CDH20: variants seen among roughly 807,000 people sequenced by gnomAD.
The protein encoded by CDH20 is cadherin 20.
Under a neutral mutation model 74.2 loss-of-function variants are expected in CDH20, and 29 were observed. The observed-to-expected ratio is 0.39, with a 90% CI of 0.29 to 0.53. The LOEUF (loss-of-function observed/expected upper bound fraction) is 0.53, where lower values mean the gene tolerates loss of function less well. Among genes scored for constraint, CDH20 ranks in the 20% least tolerant of loss-of-function variants. The probability of loss-of-function intolerance (pLI) is 0.69; values close to 1 mark genes in which losing one functional copy is unlikely to be tolerated. For synonymous variants in CDH20, 469 were observed against 405.4 expected, an observed-to-expected ratio of 1.16 and a Z score of -1.88; for missense variants, 988 against 1,048.3, an observed-to-expected ratio of 0.94 and a Z score of 0.79.
intron 5 of CDH20, among the ~76,000 whole-genome samples, chr18:61,505,643 A>G (rs1204207395): frequency 6.6e-6 from 1 of 152,176 alleles, no homozygotes; most frequent in Non-Finnish European, 1.5e-5. Flanking sequence ...GCCTCAAGCC[A>G]ACATCTTAAT....
intron 11 of CDH20, among the ~76,000 whole-genome samples, chr18:61,553,503 C>T (rs1913506519): frequency 6.6e-6 from 1 of 152,160 alleles, no homozygotes; most frequent in Non-Finnish European, 1.5e-5. Context: ...AAGGCCACTG[C>T]TCATTCTCTG....
chr18:61,372,815 C>G (rs950534219), intron 1 of CDH20, among the ~76,000 whole-genome samples: 1 of 152,094 alleles, frequency 6.6e-6, no homozygotes, highest in Non-Finnish European at 1.5e-5. Context: ...GGTATTTCCT[C>G]TCTGGCCCCT....
chr18:61,446,046 C>G (rs1039831312), intron 1 of CDH20, among the ~76,000 whole-genome samples: 1 of 152,130 alleles, frequency 6.6e-6, no homozygotes, highest in Non-Finnish European at 1.5e-5. Flanking sequence ...AAGAGAGAGA[C>G]AGACAGAAGC....
intron 1 of CDH20, among the ~76,000 whole-genome samples, chr18:61,402,450 A>G (rs1035061372): frequency 3.3e-5 from 5 of 152,180 alleles, no homozygotes; most frequent in African/African-American, 1.2e-4. Context: ...AAAAAAAGGA[A>G]ATTGACTAGC....
At chr18:61,521,658 G>A (rs1168046601) in intron 6 of CDH20, among the ~76,000 whole-genome samples, 9 of 151,288 alleles carry the variant, frequency 5.9e-5, no homozygotes, top group Admixed American at 3.3e-4. Context: ...GATGAACATC[G>A]ATGTGAAAAT....
chr18:61,536,226 A>C (rs1210433938), intron 7 of CDH20, among the ~76,000 whole-genome samples: 1 of 152,184 alleles, frequency 6.6e-6, no homozygotes, highest in Admixed American at 6.5e-5. Context: ...ACCATATTTA[A>C]ATAGCTTACA....
At chr18:61,381,928 G>T (rs1223769370) in intron 1 of CDH20, among the ~76,000 whole-genome samples, 1 of 152,056 alleles carries the variant, frequency 6.6e-6, no homozygotes. Context: ...CAAATAAACT[G>T]GAAATTTCAA....
chr18:61,479,117 C>A (rs1172790615), intron 1 of CDH20, among the ~76,000 whole-genome samples: 1 of 151,930 alleles, frequency 6.6e-6, no homozygotes, highest in Admixed American at 6.6e-5. Context: ...CCTTTCTTTT[C>A]TATTTAATTC....
At chr18:61,425,356 C>A (rs1913036296) in intron 1 of CDH20, among the ~76,000 whole-genome samples, 1 of 152,128 alleles carries the variant, frequency 6.6e-6, no homozygotes, top group South Asian at 2.1e-4. Flanking sequence ...GTATCCTATA[C>A]CCTCAGAGAA....
intron 5 of CDH20, among the ~76,000 whole-genome samples, chr18:61,504,470 G>A (rs1043000956): frequency 2.6e-5 from 4 of 152,178 alleles, no homozygotes; most frequent in African/African-American, 7.2e-5. Flanking sequence ...ATAATGGAAC[G>A]AGTGGCAGTG....
intron 10 of CDH20, among the ~76,000 whole-genome samples, chr18:61,546,228 T>C (rs1221328526): frequency 2.6e-5 from 4 of 152,202 alleles, no homozygotes; most frequent in African/African-American, 9.6e-5. Context: ...AAGTCATGAT[T>C]AGGTTAGGCA....
rs8095655 is a variant in CDH20 at position 61,422,120 on chromosome 18, A to T, written c.-152-68282A>T. On this transcript the variant is annotated intron_variant, in intron 1 of 11. Transcript: ENST00000262717. ...ACCTTAATGAGGATGGTAATATTTT[A>T]AAAAATACATGAAATTCACGGTTCT... Among the ~76,000 whole-genome samples the T allele has an allele frequency of 1.9e-3, 285 of 152,292 alleles. 1 individual carries two copies. Among genetic ancestry groups the T allele is most frequent in the African/African-American group, 6.4e-3 (268 of 41,572 alleles).
At chr18:61,355,851 A>G (rs1399114068) in intron 1 of CDH20, among the ~76,000 whole-genome samples, 2 of 152,328 alleles carry the variant, frequency 1.3e-5, no homozygotes, top group South Asian at 2.1e-4. Context: ...CTAATGTAGT[A>G]AAAAGTCAGA....
chr18:61,483,225 A>G (rs1568158516), intron 1 of CDH20, among the ~76,000 whole-genome samples: 1 of 152,174 alleles, frequency 6.6e-6, no homozygotes, highest in Non-Finnish European at 1.5e-5. Context: ...CCTCTTGTAC[A>G]GTCACTCCTG....
At position 61,518,593 on chromosome 18, in the gene CDH20, C is replaced by T. The variant is rs1231145689; in HGVS notation, c.1018-9374C>T. ...CATTAATATCAACAAAAACAACATCCACACAGAAACCCCATCCAAAGTTCA... is the reference window on the plus strand; with the variant it reads ...CATTAATATCAACAAAAACAACATCTACACAGAAACCCCATCCAAAGTTCA... On this transcript the variant is annotated intron_variant, in intron 6 of 11. Transcript: ENST00000262717. Among the ~76,000 whole-genome samples the T allele has an allele frequency of 2.0e-5, 3 of 151,290 alleles. No homozygotes were observed. The East Asian group carries it at 5.8e-4, about 29-fold the overall frequency.
At chr18:61,554,032 A>G (rs1913528353) in intron 11 of CDH20, among the ~76,000 whole-genome samples, 158 bp from the exon 12 acceptor site, 1 of 152,188 alleles carries the variant, frequency 6.6e-6, no homozygotes, top group South Asian at 2.1e-4. Flanking sequence ...AGTGGACTTA[A>G]ATTAGAACTC....
At chr18:61,349,228 T>A (rs1318250489) in intron 1 of CDH20, among the ~76,000 whole-genome samples, 1 of 152,200 alleles carries the variant, frequency 6.6e-6, no homozygotes, top group Non-Finnish European at 1.5e-5. Context: ...ATTTTCACCA[T>A]CTGCTTCCTC....
At chr18:61,474,141 T>A (rs1157333089) in intron 1 of CDH20, among the ~76,000 whole-genome samples, 1 of 152,170 alleles carries the variant, frequency 6.6e-6, no homozygotes, top group African/African-American at 2.4e-5. Context: ...CAGTCTCTTG[T>A]CCCTATCATC....
intron 7 of CDH20, among the ~76,000 whole-genome samples, chr18:61,530,950 G>A (rs981815080): frequency 6.6e-6 from 1 of 152,184 alleles, no homozygotes; most frequent in African/African-American, 2.4e-5. Context: ...TGCTGGCTCT[G>A]GGCAGCTTTG....
Sources: gnomAD v4.1 joint callset for allele counts (sites outside exome capture counted in the v4.1 genomes callset) on GRCh38, gnomAD v4.1.1 for gene constraint, MANE v1.5 for transcripts, NCBI Gene and HGNC (gene_info 2026-07-23, HGNC 2026-07-21) for gene names.